Variants in TRAPPC9 observed in about 807,000 individuals in gnomAD.
TRAPPC9 encodes trafficking protein particle complex subunit 9.
Under a neutral mutation model 124.0 loss-of-function variants are expected in TRAPPC9, and 83 were observed. The observed-to-expected ratio is 0.67, with a 90% CI of 0.56 to 0.80. TRAPPC9 has a LOEUF of 0.80. Ranked by LOEUF, TRAPPC9 falls within the 30% of genes least tolerant of loss-of-function variation. The pLI, the probability that TRAPPC9 is intolerant of heterozygous loss-of-function variation, is 0.00. For missense variants in TRAPPC9, 1,302 were observed against 1,508.3 expected, an observed-to-expected ratio of 0.86 and a Z score of 2.27; for synonymous variants, 638 against 617.5, an observed-to-expected ratio of 1.03 and a Z score of -0.49.
At chr8:140,358,409 G>C (rs2067820506) in intron 9 of TRAPPC9, among the ~76,000 whole-genome samples, 1 of 152,192 alleles carries the variant, frequency 6.6e-6, no homozygotes. Context: ...GTTTCACCAT[G>C]TTGGCCAGGC....
Position 140,217,973 on chromosome 8 carries a change from C to T in TRAPPC9, c.2556+3486G>A, listed in dbSNP as rs565626345. ...TGGAGGTTGCAGTGAGCCGAGATCG[C>T]GCCACTGCACTCCAGCCTGGGCAAG... On this transcript the variant is annotated intron_variant, in intron 17 of 22. Coordinates refer to ENST00000438773, the MANE Select transcript of TRAPPC9 (RefSeq NM_001160372.4). Among the ~76,000 whole-genome samples the T allele has an allele frequency of 5.3e-4, 80 of 151,748 alleles. 2 individuals are homozygous for T. In the South Asian group the frequency reaches 0.01, roughly 19 times the overall value.
chr8:139,860,121 G>A (rs746746317), intron 21 of TRAPPC9, among the ~76,000 whole-genome samples: 12 of 152,294 alleles, frequency 7.9e-5, no homozygotes, highest in East Asian at 1.9e-4. Context: ...TCCAGTAGCC[G>A]GACAGATGTT....
Position 140,305,719 on chromosome 8 carries a change from T to C in TRAPPC9, c.1623-5105A>G, listed in dbSNP as rs929948884. Reference sequence around the variant, plus strand: ...AACAAAAGTAAAAACTGACAGGGAATGGTAAGGTGACATCTAATTAGAGGC... The same window carrying C: ...AACAAAAGTAAAAACTGACAGGGAACGGTAAGGTGACATCTAATTAGAGGC... On this transcript the variant is annotated intron_variant, in intron 10 of 22. Coordinates refer to ENST00000438773, the MANE Select transcript of TRAPPC9 (RefSeq NM_001160372.4). 3.3e-5 allele frequency among the ~76,000 whole-genome samples: 5 copies of C among 152,224 alleles called. No individual in the cohort carries two copies. In the East Asian group the frequency reaches 5.8e-4, roughly 18 times the overall value.
chr8:139,870,130 A>C (rs1217222326), intron 21 of TRAPPC9, among the ~76,000 whole-genome samples: 7 of 152,220 alleles, frequency 4.6e-5, no homozygotes, highest in Non-Finnish European at 1.0e-4. Context: ...AGAGTCCAAC[A>C]ATTTCCCTAA....
At chr8:140,174,457 G>A (rs1393075460) in intron 17 of TRAPPC9, among the ~76,000 whole-genome samples, 1 of 152,186 alleles carries the variant, frequency 6.6e-6, no homozygotes, top group Non-Finnish European at 1.5e-5. Context: ...ATACAACTCA[G>A]TGACTTTTAG....
chr8:139,765,930 C>T (rs1398456511), intron 21 of TRAPPC9, among the ~76,000 whole-genome samples: 1 of 152,198 alleles, frequency 6.6e-6, no homozygotes, highest in African/African-American at 2.4e-5. Context: ...GGCTTCTCCC[C>T]CATCTGACCT....
intron 8 of TRAPPC9, among the ~76,000 whole-genome samples, chr8:140,370,268 T>C (rs2068243432): frequency 6.6e-6 from 1 of 152,072 alleles, no homozygotes; most frequent in East Asian, 2.0e-4. Flanking sequence ...GCCTCCTGAG[T>C]AGCTGGGACT....
chr8:139,845,121 C>A (rs1282927307), intron 21 of TRAPPC9, among the ~76,000 whole-genome samples: 1 of 152,198 alleles, frequency 6.6e-6, no homozygotes, highest in South Asian at 2.1e-4. Flanking sequence ...AGGATGATGT[C>A]GCCTTTAAGG....
intron 19 of TRAPPC9, among the ~76,000 whole-genome samples, chr8:139,937,264 C>T (rs1833591337): frequency 6.6e-6 from 1 of 152,050 alleles, no homozygotes; most frequent in African/African-American, 2.4e-5. Context: ...CAAAACGATC[C>T]CAATTTGGTG....
chr8:140,260,420 C>T (rs994505050), intron 15 of TRAPPC9, among the ~76,000 whole-genome samples: 6 of 152,198 alleles, frequency 3.9e-5, no homozygotes, highest in African/African-American at 1.4e-4. Context: ...TTGAAGTCCC[C>T]AGACTCAACT....
chr8:140,027,959 T>G (rs1840258368), intron 17 of TRAPPC9, among the ~76,000 whole-genome samples: 1 of 151,750 alleles, frequency 6.6e-6, no homozygotes, highest in African/African-American at 2.4e-5. Context: ...CCTCGACACG[T>G]GGGGATTATG....
intron 20 of TRAPPC9, among the ~76,000 whole-genome samples, chr8:139,899,896 T>G (rs183024970): frequency 1.3e-5 from 2 of 152,268 alleles, no homozygotes. Context: ...CTGCCCTATA[T>G]GTACATTTGG....
chr8:140,302,492 G>C (rs1325145877), intron 10 of TRAPPC9, among the ~76,000 whole-genome samples: 1 of 152,212 alleles, frequency 6.6e-6, no homozygotes, highest in Admixed American at 6.5e-5. Context: ...CAGCAAAGCA[G>C]AAGTCCAGGG....
chr8:139,791,361 C>T (rs1822658710), intron 21 of TRAPPC9, among the ~76,000 whole-genome samples: 1 of 150,658 alleles, frequency 6.6e-6, no homozygotes, highest in Admixed American at 6.6e-5. Context: ...AGGCGCTCAT[C>T]TCCCCTGCAC....
chr8:139,980,694 C>T (rs1452883970), intron 19 of TRAPPC9, among the ~76,000 whole-genome samples: 2 of 152,346 alleles, frequency 1.3e-5, no homozygotes, highest in East Asian at 1.9e-4. Flanking sequence ...CCCAGGCACG[C>T]GAAGCCAGCT....
chr8:140,257,363 T>A lies in TRAPPC9; in HGVS notation c.2279-4434A>T, dbSNP rs1013835324. Among the ~76,000 whole-genome samples the A allele has an allele frequency of 2.0e-5, 3 of 152,322 alleles. No homozygotes were observed. The highest frequency in any genetic ancestry group is 2.0e-4 in the Admixed American group (3 of 15,306). ...AGCAGTGCTGGCACTGGCCTGGGCC[T>A]CTTCTGCGCTGAGCCAACCTGTCCA... On this transcript the variant is annotated intron_variant, in intron 15 of 22. Coordinates refer to ENST00000438773, the MANE Select transcript of TRAPPC9 (RefSeq NM_001160372.4). The surrounding 1 kb of genome is among the most constrained non-coding windows in gnomAD (Gnocchi z 4.6).
At chr8:140,239,088 C>T (rs541114078) in intron 16 of TRAPPC9, among the ~76,000 whole-genome samples, 3 of 152,146 alleles carry the variant, frequency 2.0e-5, no homozygotes, top group Non-Finnish European at 4.4e-5. Context: ...GGCTTGGGGG[C>T]ACCAGGCCAG....
chr8:140,118,967 T>A (rs2060937637), intron 17 of TRAPPC9, among the ~76,000 whole-genome samples: 1 of 152,170 alleles, frequency 6.6e-6, no homozygotes, highest in African/African-American at 2.4e-5. Context: ...CTTAAGACAG[T>A]GTGAAGGTGA....
intron 17 of TRAPPC9, among the ~76,000 whole-genome samples, chr8:140,212,984 G>C (rs546825338): frequency 6.6e-6 from 1 of 151,572 alleles, no homozygotes; most frequent in African/African-American, 2.4e-5. Flanking sequence ...CAGGAGAATC[G>C]CTTGAACCCA....
Sources: gnomAD v4.1 joint callset for allele counts (sites outside exome capture counted in the v4.1 genomes callset) on GRCh38, gnomAD v4.1.1 for gene constraint, Gnocchi (gnomAD v3.1) non-coding constraint, MANE v1.5 for transcripts, NCBI Gene and HGNC (gene_info 2026-07-23, HGNC 2026-07-21) for gene names.